OR2L13: variants seen among roughly 807,000 people sequenced by gnomAD.
The protein encoded by OR2L13 is olfactory receptor 2L13.
A neutral mutation model predicts 15.3 loss-of-function variants in OR2L13; 14 were observed. That is an observed-to-expected ratio of 0.91 (90% CI 0.60 to 1.43). The LOEUF (loss-of-function observed/expected upper bound fraction) is 1.43. OR2L13 is among the 40% of genes most tolerant of loss of function. The pLI, the probability that OR2L13 is intolerant of heterozygous loss-of-function variation, is 0.00. For missense variants in OR2L13, 367 were observed against 387.9 expected, an observed-to-expected ratio of 0.95 and a Z score of 0.45; for synonymous variants, 152 against 142.9, an observed-to-expected ratio of 1.06 and a Z score of -0.45.
the OR2L13 span, chr1:248,022,372 T>G: frequency 6.2e-7 from 1 of 1,614,222 alleles, no homozygotes; most frequent in Non-Finnish European, 8.5e-7. Flanking sequence ...ATGTATGTGC[T>G]GATGATAACA....
upstream of OR2L13, among the ~76,000 whole-genome samples, chr1:248,093,928 G>T (rs901764151): frequency 6.6e-6 from 1 of 152,126 alleles, no homozygotes; most frequent in African/African-American, 2.4e-5. Flanking sequence ...GAGTAGAGTA[G>T]AGTGGGGAAT....
At chr1:248,088,432 C>T in the OR2L13 span, among the ~76,000 whole-genome samples, 2 of 152,150 alleles carry the variant, frequency 1.3e-5, no homozygotes, top group Admixed American at 6.5e-5. Context: ...AAATGATCTT[C>T]ATGTTCCTTT....
chr1:248,086,022 T>A, the OR2L13 span, among the ~76,000 whole-genome samples: 1 of 145,168 alleles, frequency 6.9e-6, no homozygotes, highest in Admixed American at 6.6e-5. Flanking sequence ...CTAAAAAGAT[T>A]ACTAAAAAAA....
chr1:248,047,595 T>C, the OR2L13 span, among the ~76,000 whole-genome samples: 1 of 152,174 alleles, frequency 6.6e-6, no homozygotes, highest in South Asian at 2.1e-4. Context: ...ATTGTAGTGT[T>C]TTGTGCTTTT....
At chr1:248,004,677 C>T in the OR2L13 span, among the ~76,000 whole-genome samples, 1 of 152,144 alleles carries the variant, frequency 6.6e-6, no homozygotes, top group Admixed American at 6.6e-5. Context: ...GATTGAACAT[C>T]AGGTATATTT....
chr1:248,083,618 T>A, the OR2L13 span: 1 of 1,350,868 alleles, frequency 7.4e-7, no homozygotes. Flanking sequence ...GAACTTAGAG[T>A]CATTTGACAC....
the OR2L13 span, among the ~76,000 whole-genome samples, chr1:247,977,081 G>A: frequency 6.6e-6 from 1 of 152,090 alleles, no homozygotes; most frequent in Admixed American, 6.6e-5. Flanking sequence ...ACAATGTATT[G>A]TAATAATCTC....
chr1:247,956,829 T>C, the OR2L13 span, among the ~76,000 whole-genome samples: 1 of 152,216 alleles, frequency 6.6e-6, no homozygotes, highest in Non-Finnish European at 1.5e-5. Flanking sequence ...GCCTATCAGC[T>C]TAAGGAGATT....
At chr1:247,970,816 T>C in the OR2L13 span, among the ~76,000 whole-genome samples, 1 of 152,172 alleles carries the variant, frequency 6.6e-6, no homozygotes, top group African/African-American at 2.4e-5. Context: ...TAAGAGCTAT[T>C]TTATCAACGT....
chr1:247,981,260 A>G, the OR2L13 span, among the ~76,000 whole-genome samples: 1 of 152,232 alleles, frequency 6.6e-6, no homozygotes, highest in African/African-American at 2.4e-5. Context: ...CAGTCTTTCT[A>G]GTAAAATACC....
chr1:248,003,187 A>G, the OR2L13 span: 3 of 1,474,032 alleles, frequency 2.0e-6, no homozygotes, highest in South Asian at 3.4e-5. Flanking sequence ...TGTTCCCACC[A>G]TCAAGAATTG....
the OR2L13 span, among the ~76,000 whole-genome samples, chr1:248,074,961 T>G: frequency 3.3e-5 from 5 of 152,248 alleles, no homozygotes; most frequent in African/African-American, 1.2e-4. Flanking sequence ...CCATGTTGGT[T>G]TGCTGCACCC....
the OR2L13 span, among the ~76,000 whole-genome samples, chr1:247,968,732 T>G: frequency 6.6e-6 from 1 of 152,046 alleles, no homozygotes; most frequent in African/African-American, 2.4e-5. Context: ...ATTTTCTTAA[T>G]CCAGTCTATC....
At chr1:247,952,765 GT>G in the OR2L13 span, among the ~76,000 whole-genome samples, 1 of 152,152 alleles carries the variant, frequency 6.6e-6, no homozygotes, top group East Asian at 1.9e-4. Context: ...GTGGTGTCTG[GT>G]TCAGACCCTA....
the OR2L13 span, among the ~76,000 whole-genome samples, chr1:248,066,287 A>G: frequency 1.3e-5 from 2 of 152,222 alleles, no homozygotes; most frequent in Non-Finnish European, 2.9e-5. Context: ...TCTGTCTTGT[A>G]CCAATTTGTT....
chr1:248,083,057 G>C, the OR2L13 span, among the ~76,000 whole-genome samples: 1 of 152,092 alleles, frequency 6.6e-6, no homozygotes. Flanking sequence ...AATAAAAACA[G>C]ACTGTGGAAT....
At chr1:247,988,327 T>G in the OR2L13 span, among the ~76,000 whole-genome samples, 69 of 152,246 alleles carry the variant, frequency 4.5e-4, no homozygotes, top group African/African-American at 1.6e-3. Context: ...AAATTTTCAT[T>G]TAAATTTTAT....
the OR2L13 span, among the ~76,000 whole-genome samples, chr1:248,059,474 C>T: frequency 6.6e-6 from 1 of 151,990 alleles, no homozygotes; most frequent in African/African-American, 2.4e-5. Context: ...AAATGTGTAA[C>T]CTATTTGGTA....
At chr1:248,003,885 C>T in the OR2L13 span, 16 of 1,612,332 alleles carry the variant, frequency 9.9e-6, no homozygotes, top group Non-Finnish European at 1.3e-5. Context: ...TTCTACTATA[C>T]ACCTTTTGTC....
Sources: allele counts gnomAD v4.1 joint callset (sites outside exome capture counted in the v4.1 genomes callset), GRCh38; gene constraint gnomAD v4.1.1; transcripts MANE v1.5; gene names NCBI Gene and HGNC (gene_info 2026-07-23, HGNC 2026-07-21).